Variants in SLC16A7 observed in about 807,000 individuals in gnomAD.
The protein encoded by SLC16A7 is monocarboxylate transporter 2.
SLC16A7 carries 33 observed loss-of-function variants against 34.9 expected under a neutral mutation model. The ratio of observed to expected loss-of-function variants is 0.94; its 90% CI spans 0.72 to 1.26. The LOEUF (loss-of-function observed/expected upper bound fraction) is 1.26. Ranked by LOEUF, SLC16A7 falls within the 50% of genes most tolerant of loss-of-function variation. The pLI is 0.00. For synonymous variants in SLC16A7, 201 were observed against 206.6 expected (o/e 0.97, Z 0.23); for missense variants, 573 against 578.1 (o/e 0.99, Z 0.09).
At chr12:59,766,255 A>G (rs1025485087) in intron 3 of SLC16A7, among the ~76,000 whole-genome samples, 7 of 152,204 alleles carry the variant, frequency 4.6e-5, no homozygotes, top group African/African-American at 1.4e-4. Flanking sequence ...TTTTCTAGAT[A>G]TACAATCATG....
At chr12:59,650,046 T>C (rs541341330) in intron 1 of SLC16A7, among the ~76,000 whole-genome samples, 121 of 152,300 alleles carry the variant, frequency 7.9e-4, no homozygotes, top group Non-Finnish European at 1.4e-3. Context: ...ATTGTATTAA[T>C]TTAATATTTA....
At chr12:59,623,149 C>A (rs975351010) in intron 1 of SLC16A7, among the ~76,000 whole-genome samples, 1 of 147,636 alleles carries the variant, frequency 6.8e-6, no homozygotes, top group Non-Finnish European at 1.5e-5. Context: ...TTGTTAAATT[C>A]ATCTGTCATG....
intron 4 of SLC16A7, among the ~76,000 whole-genome samples, chr12:59,772,360 C>T (rs1882316200): frequency 6.6e-6 from 1 of 152,076 alleles, no homozygotes; most frequent in Non-Finnish European, 1.5e-5. Context: ...GAAGAGAGTG[C>T]CTTTTCTTTT....
chr12:59,671,813 A>G (rs1268236349), intron 2 of SLC16A7, among the ~76,000 whole-genome samples: 1 of 141,786 alleles, frequency 7.1e-6, no homozygotes, highest in African/African-American at 2.6e-5. Flanking sequence ...ATATGTGTAT[A>G]TATATGTGTA....
chr12:59,633,440 G>A (rs911532361), intron 1 of SLC16A7, among the ~76,000 whole-genome samples: 4 of 151,972 alleles, frequency 2.6e-5, no homozygotes, highest in Non-Finnish European at 4.4e-5. Context: ...TTAACATTTA[G>A]CAGTAGAGTT....
chr12:59,775,576 A>T, intron 5 of SLC16A7, 101 bp downstream of exon 5: 1 of 818,700 alleles, frequency 1.2e-6, no homozygotes, highest in East Asian at 2.6e-5. Flanking sequence ...TAATAATACT[A>T]ATAGCCTGAA....
At chr12:59,695,506 A>T (rs1157859495) in intron 2 of SLC16A7, among the ~76,000 whole-genome samples, 1 of 151,952 alleles carries the variant, frequency 6.6e-6, no homozygotes, top group Non-Finnish European at 1.5e-5. Flanking sequence ...TTCCATCCTT[A>T]TGAATTTCTC....
At position 59,789,233 on chromosome 12, in the gene SLC16A7, T is replaced by G. The variant is rs1244616755; in HGVS notation, c.*9554T>G. ...TGATAGATATTGATTATTAAAATGC[T>G]ACTACAGTATTCTACGATGCAGGCT... On this transcript the variant is annotated 3_prime_UTR_variant, in exon 6 of 6. Coordinates refer to ENST00000547379, the MANE Select transcript of SLC16A7 (RefSeq NM_001270623.2). 1 of 152,136 alleles carries G rather than the reference T, an allele frequency of 6.6e-6. No individual in the cohort carries two copies. The highest frequency in any genetic ancestry group is 1.5e-5 in the Non-Finnish European group (1 of 67,974). The allele number at this position is 152,136 out of a possible 1,614,324, so 9.4% of individuals were successfully genotyped here.
In SLC16A7 at chr12:59,626,817, CAT is replaced by C. The variant is rs138898564; in HGVS notation, c.-129-28331_-129-28330del. Among the ~76,000 whole-genome samples, 9 of 151,870 alleles carry C rather than the reference CAT, an allele frequency of 5.9e-5. No individual in the cohort carries two copies. The East Asian group carries it at 1.7e-3, about 30-fold the overall frequency. ...AGAGGGAAAGCAAGTCTGGTAAAAACATATAGATTGTGACCAGGACAGTTTTA... is the reference window on the plus strand; with the variant it reads ...AGAGGGAAAGCAAGTCTGGTAAAAACATAGATTGTGACCAGGACAGTTTTA... On this transcript the variant is annotated intron_variant, in intron 1 of 5. Transcript: ENST00000547379.
intron 2 of SLC16A7, among the ~76,000 whole-genome samples, chr12:59,690,260 C>T (rs1871492116): frequency 1.3e-5 from 2 of 152,094 alleles, no homozygotes; most frequent in Non-Finnish European, 2.9e-5. Context: ...AAAGTTTGGG[C>T]TGACTCTCCT....
rs1321607153 is a variant in SLC16A7, at chr12:59,789,823, TAAA to T, written c.*10149_*10151del. 9 of 151,990 alleles carry T rather than the reference TAAA, an allele frequency of 5.9e-5. No individual in the cohort carries two copies. The highest frequency in any genetic ancestry group is 3.3e-4 in the Admixed American group (5 of 15,216). 9.4% of individuals were successfully genotyped at this position (151,990 alleles called of 1,614,324 possible). The stretch of plus-strand genomic sequence containing the variant: ...ATTGCTTATTAAATTAAAATTAAAA[TAAA>T]AAAATTCATGTTAAATTTTTGAAAT... On this transcript the variant is annotated 3_prime_UTR_variant, in exon 6 of 6. Transcript: ENST00000547379.
At chr12:59,694,826 A>T (rs969644353) in intron 2 of SLC16A7, among the ~76,000 whole-genome samples, 6 of 151,994 alleles carry the variant, frequency 3.9e-5, no homozygotes, top group Non-Finnish European at 7.4e-5. Flanking sequence ...ATAAGTGTAT[A>T]TGAAATATAT....
intron 2 of SLC16A7, among the ~76,000 whole-genome samples, chr12:59,655,759 C>T (rs528980189): frequency 3.9e-5 from 6 of 151,984 alleles, no homozygotes; most frequent in South Asian, 4.2e-4. Flanking sequence ...TGTGTTTCCA[C>T]ACTCATGATT....
Position 59,771,282 on chromosome 12 carries a change from T to C in SLC16A7, c.281T>C (p.Leu94Ser). The change falls in exon 4 of 6, where the codon TTA becomes TCA. Residue 94 changes from leucine to serine, a missense_variant. By Grantham distance (145) the Leu-to-Ser change is moderately radical. Transcript: ENST00000547379. ...GSRPVVIAGG[L>S]LCCLGMVLAS... Reference sequence around the variant, plus strand: ...CGGCCGGTGGTGATAGCAGGAGGCTTATTATGCTGTCTTGGAATGGTGTTG... The same window carrying C: ...CGGCCGGTGGTGATAGCAGGAGGCTCATTATGCTGTCTTGGAATGGTGTTG... 6.2e-7 allele frequency: 1 copy of C among 1,613,412 alleles called. No homozygotes were observed. The highest frequency in any genetic ancestry group is 8.5e-7 in the Non-Finnish European group (1 of 1,179,562).
chr12:59,606,265 A>G (rs922564593), intron 1 of SLC16A7, among the ~76,000 whole-genome samples: 10 of 152,214 alleles, frequency 6.6e-5, no homozygotes, highest in Admixed American at 3.3e-4. Flanking sequence ...AAAAATGTTT[A>G]AGTGGTGAAA....
Position 59,673,325 on chromosome 12 carries a change from G to C in SLC16A7, c.-31+18075G>C, listed in dbSNP as rs536855614. On this transcript the variant is annotated intron_variant, in intron 2 of 5. Transcript: ENST00000547379. Reference sequence around the variant, plus strand: ...TATTTTTGACAATAATTGGCAAATAGATTCAGTTATTTCTTGAAGTTGATT... The same window carrying C: ...TATTTTTGACAATAATTGGCAAATACATTCAGTTATTTCTTGAAGTTGATT... 1.1e-4 allele frequency among the ~76,000 whole-genome samples: 16 copies of C among 152,214 alleles called. No homozygotes were observed. The South Asian group carries it at 3.3e-3, about 32-fold the overall frequency.
intron 1 of SLC16A7, among the ~76,000 whole-genome samples, chr12:59,654,698 C>CAT (rs1868446371): frequency 7.0e-6 from 1 of 141,898 alleles, no homozygotes; most frequent in Non-Finnish European, 1.5e-5. Context: ...CATGCACACA[C>CAT]ACACACACAC....
chr12:59,764,544 C>T (rs2137406525), intron 3 of SLC16A7, among the ~76,000 whole-genome samples: 1 of 145,598 alleles, frequency 6.9e-6, no homozygotes, highest in East Asian at 2.1e-4. Context: ...CATGTGTTCT[C>T]ATTGTTCAAT....
intron 1 of SLC16A7, among the ~76,000 whole-genome samples, chr12:59,631,494 C>T (rs182908045): frequency 8.6e-5 from 13 of 152,032 alleles, no homozygotes; most frequent in African/African-American, 2.9e-4. Flanking sequence ...ATACTTGCCT[C>T]ATCAGTCCAT....
Sources: gnomAD v4.1 joint callset for allele counts (sites outside exome capture counted in the v4.1 genomes callset) on GRCh38, gnomAD v4.1.1 for gene constraint, MANE v1.5 for transcripts, NCBI Gene and HGNC (gene_info 2026-07-23, HGNC 2026-07-21) for gene names.